The following ERBB4 variants were observed in gnomAD, a reference collection of about 807,000 sequenced individuals.
ERBB4 encodes receptor tyrosine-protein kinase erbB-4.
A neutral mutation model predicts 158.0 loss-of-function variants in ERBB4; 42 were observed. The ratio of observed to expected loss-of-function variants is 0.27; its 90% CI spans 0.21 to 0.34. The LOEUF is 0.34. Ranked by LOEUF, ERBB4 falls within the 10% of genes least tolerant of loss-of-function variation. ERBB4 has a pLI of 1.00. For missense variants in ERBB4, 1,333 were observed against 1,624.1 expected, an observed-to-expected ratio of 0.82 and a Z score of 3.08; for synonymous variants, 583 against 558.7, an observed-to-expected ratio of 1.04 and a Z score of -0.61.
chr2:212,344,990 G>A (rs1282231573), intron 1 of ERBB4, among the ~76,000 whole-genome samples: 1 of 152,030 alleles, frequency 6.6e-6, no homozygotes, highest in Non-Finnish European at 1.5e-5. Flanking sequence ...GGTCGGGCGT[G>A]GTGGGTCACG....
Position 211,420,594 on chromosome 2 carries a change from C to T in ERBB4, c.2982G>A (p.Lys994=), listed in dbSNP as rs755006785. The change falls in exon 25 of 28, where the codon AAG becomes AAA. Residue 994 remains lysine (K), a synonymous_variant. Transcript: ENST00000342788. ...ACTTGCTGTCATTTGGACTGGGAAGCTTCATACGATCATCACCCTAAAAGA... is the reference window on the plus strand; with the variant it reads ...ACTTGCTGTCATTTGGACTGGGAAGTTTCATACGATCATCACCCTAAAAGA... ...YLVIQGDDRM[K]LPSPNDSKFF... 1.2e-6 allele frequency: 2 copies of T among 1,610,320 alleles called. No homozygotes were observed. The highest frequency in any genetic ancestry group is 1.7e-6 in the Non-Finnish European group (2 of 1,179,046).
At chr2:211,387,212 G>A in intron 26 of ERBB4, 62 bp from the exon 27 acceptor site, 1 of 1,264,144 alleles carries the variant, frequency 7.9e-7, no homozygotes, top group Non-Finnish European at 1.2e-6. Context: ...AAAAATGAAT[G>A]TTAATAGCCA....
chr2:212,392,719 G>A (rs1394209745), intron 1 of ERBB4, among the ~76,000 whole-genome samples: 1 of 151,966 alleles, frequency 6.6e-6, no homozygotes, highest in East Asian at 1.9e-4. Flanking sequence ...TCCTTTTTCT[G>A]TGCACATCTT....
intron 2 of ERBB4, among the ~76,000 whole-genome samples, chr2:212,111,741 C>G (rs1467840473): frequency 1.3e-5 from 2 of 151,882 alleles, no homozygotes; most frequent in Non-Finnish European, 2.9e-5. Flanking sequence ...ACTCACAACC[C>G]TTTTTTAAAA....
chr2:212,286,004 A>G (rs2085946902), intron 1 of ERBB4, among the ~76,000 whole-genome samples: 1 of 152,142 alleles, frequency 6.6e-6, no homozygotes. Context: ...TTTACATAGC[A>G]TTAAGGACAT....
intron 16 of ERBB4, among the ~76,000 whole-genome samples, chr2:211,637,311 A>G (rs1379502401): frequency 6.6e-6 from 1 of 151,996 alleles, no homozygotes; most frequent in Non-Finnish European, 1.5e-5. Context: ...ATTCACAATT[A>G]CCAACTGAGG....
rs150763613 is a variant in ERBB4 at position 211,489,320 on chromosome 2, G to A, written c.2488-58220C>T. Among the ~76,000 whole-genome samples the A allele has an allele frequency of 5.9e-4, 90 of 152,084 alleles. 1 individual carries two copies. Among genetic ancestry groups the A allele is most frequent in the African/African-American group, 1.4e-3 (60 of 41,538 alleles). Reference sequence around the variant, plus strand: ...ATGCAGTGGAAATGAGCTGAATTTTGGGAGCCAGAATGTCTGGGTTTGAAT... The same window carrying A: ...ATGCAGTGGAAATGAGCTGAATTTTAGGAGCCAGAATGTCTGGGTTTGAAT... On this transcript the variant is annotated intron_variant, in intron 20 of 27. Transcript: ENST00000342788.
intron 12 of ERBB4, among the ~76,000 whole-genome samples, chr2:211,683,479 T>C (rs753978514): frequency 6.6e-6 from 1 of 152,212 alleles, no homozygotes; most frequent in Non-Finnish European, 1.5e-5. Context: ...TTAGAATACA[T>C]ATGCAGAGAT....
intron 3 of ERBB4, among the ~76,000 whole-genome samples, chr2:211,941,190 C>T (rs2080484303): frequency 6.6e-6 from 1 of 151,784 alleles, no homozygotes; most frequent in African/African-American, 2.4e-5. Flanking sequence ...ACTTAAGCTT[C>T]ACTATAGATT....
chr2:212,256,001 AT>A (rs71054189), intron 1 of ERBB4, among the ~76,000 whole-genome samples: 1 of 146,850 alleles, frequency 6.8e-6, no homozygotes, highest in African/African-American at 2.6e-5. Context: ...TTATTTATTT[AT>A]TTTTTTTTTA....
At chr2:212,237,837 T>C (rs560271875) in intron 1 of ERBB4, among the ~76,000 whole-genome samples, 1 of 152,192 alleles carries the variant, frequency 6.6e-6, no homozygotes, top group African/African-American at 2.4e-5. Context: ...TGCAGAGGAC[T>C]GTGCCCAGTT....
chr2:212,052,141 C>G (rs2077416219), intron 2 of ERBB4, among the ~76,000 whole-genome samples: 1 of 152,188 alleles, frequency 6.6e-6, no homozygotes, highest in African/African-American at 2.4e-5. Flanking sequence ...TAGAATAAAG[C>G]AGGCAGAAGA....
At position 212,027,209 on chromosome 2, in the gene ERBB4, T is replaced by C. The variant is rs752396575; in HGVS notation, c.235-79593A>G. 3.9e-5 allele frequency among the ~76,000 whole-genome samples: 6 copies of C among 152,140 alleles called. No homozygotes were observed. In the South Asian group the frequency reaches 8.3e-4, roughly 21 times the overall value. On this transcript the variant is annotated intron_variant, in intron 2 of 27. Coordinates refer to ENST00000342788, the MANE Select transcript of ERBB4 (RefSeq NM_005235.3). ...GGTTAATTATGAATAGCATTGGAGATAGATGTACATGAACACATATTTTAA... is the reference window on the plus strand; with the variant it reads ...GGTTAATTATGAATAGCATTGGAGACAGATGTACATGAACACATATTTTAA...
At chr2:212,370,012 T>C (rs1189952495) in intron 1 of ERBB4, among the ~76,000 whole-genome samples, 2 of 152,152 alleles carry the variant, frequency 1.3e-5, no homozygotes, top group African/African-American at 4.8e-5. Context: ...AGAGAAATAG[T>C]AAATTAATGA....
chr2:212,464,892 T>TCACACACACACACACA (rs148243973), intron 1 of ERBB4, among the ~76,000 whole-genome samples: 7 of 146,046 alleles, frequency 4.8e-5, no homozygotes, highest in African/African-American at 1.5e-4. Context: ...AAGGGAAACA[T>TCACACACACACACACA]CACACACACA....
Position 211,599,156 on chromosome 2 carries a change from G to T in ERBB4, c.2301+20021C>A, listed in dbSNP as rs368542947. Among the ~76,000 whole-genome samples the T allele has an allele frequency of 1.3e-4, 20 of 151,428 alleles. No individual in the cohort carries two copies. In the South Asian group the frequency reaches 4.1e-3, roughly 31 times the overall value. On this transcript the variant is annotated intron_variant, in intron 19 of 27. Transcript: ENST00000342788. ...ATTGACCTCTTAAGTCTCCTTTAGA[G>T]TTATAATATTAGCATAATAACACTG... is the stretch of plus-strand genomic sequence containing the variant.
chr2:212,371,131 C>T (rs759138133), intron 1 of ERBB4, among the ~76,000 whole-genome samples: 5 of 152,124 alleles, frequency 3.3e-5, no homozygotes, highest in South Asian at 2.1e-4. Flanking sequence ...TGCCCAATCA[C>T]GTTGGGCAAG....
At chr2:212,006,054 C>T (rs1031351095) in intron 2 of ERBB4, among the ~76,000 whole-genome samples, 3 of 152,060 alleles carry the variant, frequency 2.0e-5, no homozygotes, top group African/African-American at 7.2e-5. Context: ...TAATTTAAAC[C>T]TGTACAAGCA....
intron 1 of ERBB4, among the ~76,000 whole-genome samples, chr2:212,332,744 G>A (rs778254692): frequency 4.6e-5 from 7 of 151,858 alleles, no homozygotes; most frequent in Admixed American, 1.3e-4. Flanking sequence ...TTTTAATCTC[G>A]AAACTTAGAG....
Sources: allele counts gnomAD v4.1 joint callset (sites outside exome capture counted in the v4.1 genomes callset), GRCh38; gene constraint gnomAD v4.1.1; transcripts MANE v1.5; gene names NCBI Gene and HGNC (gene_info 2026-07-23, HGNC 2026-07-21).